Variants in CLVS1 observed in about 807,000 individuals in gnomAD.
The protein encoded by CLVS1 is clavesin 1.
Under a neutral mutation model 33.1 loss-of-function variants are expected in CLVS1, and 10 were observed. That is an observed-to-expected ratio of 0.30 (90% CI 0.19 to 0.51). The LOEUF is 0.51. Ranked by LOEUF, CLVS1 falls within the 20% of genes least tolerant of loss-of-function variation. The pLI is 0.97. For synonymous variants in CLVS1, 163 were observed against 166.1 expected (o/e 0.98, Z 0.14); for missense variants, 343 against 433.4 (o/e 0.79, Z 1.85).
intron 2 of CLVS1, among the ~76,000 whole-genome samples, chr8:61,266,194 A>G (rs1809299594): frequency 6.6e-6 from 1 of 152,196 alleles, no homozygotes; most frequent in African/African-American, 2.4e-5. Flanking sequence ...TTACTTTAAA[A>G]GAACCATCCT....
intron 2 of CLVS1, among the ~76,000 whole-genome samples, chr8:61,269,235 T>C (rs1176328160): frequency 3.3e-5 from 5 of 152,122 alleles, no homozygotes; most frequent in Non-Finnish European, 2.9e-5. Context: ...TTTCCACATA[T>C]GGCTAGCCAG....
intron 2 of CLVS1, among the ~76,000 whole-genome samples, chr8:61,182,177 A>G (rs1191326719): frequency 6.6e-6 from 1 of 152,234 alleles, no homozygotes; most frequent in East Asian, 1.9e-4. Context: ...TACAAAAATT[A>G]ACTCAAGATG....
At chr8:61,158,543 G>C (rs1309364991) in intron 2 of CLVS1, among the ~76,000 whole-genome samples, 1 of 152,140 alleles carries the variant, frequency 6.6e-6, no homozygotes, top group African/African-American at 2.4e-5. Context: ...TCTTGTAAGT[G>C]GTCCCAGCAG....
chr8:61,495,905 A>G (rs1177404084), intron 5 of CLVS1, among the ~76,000 whole-genome samples: 1 of 152,242 alleles, frequency 6.6e-6, no homozygotes, highest in East Asian at 1.9e-4. Context: ...AAACCTTGGC[A>G]CAAGAGGAAT....
chr8:61,364,192 G>A (rs1160469698), intron 2 of CLVS1, among the ~76,000 whole-genome samples: 2 of 152,174 alleles, frequency 1.3e-5, no homozygotes, highest in African/African-American at 2.4e-5. Flanking sequence ...GCCACCACTA[G>A]GCATTACAGG....
At chr8:61,029,788 T>C in the CLVS1 span, among the ~76,000 whole-genome samples, 1 of 151,996 alleles carries the variant, frequency 6.6e-6, no homozygotes, top group Non-Finnish European at 1.5e-5. Context: ...ACAGAAACAT[T>C]GGGGCGTATT....
the CLVS1 span, among the ~76,000 whole-genome samples, chr8:60,979,423 GAGAAATGACT>G: frequency 6.6e-6 from 1 of 152,246 alleles, no homozygotes; most frequent in Admixed American, 6.5e-5. Flanking sequence ...AGGGAACCTT[GAGAAATGACT>G]TAGTAGAAGA....
Position 61,062,126 on chromosome 8 carries a change from C to T in CLVS1, c.-243+4896C>T, listed in dbSNP as rs559440404. Among the ~76,000 whole-genome samples, 16 of 152,266 alleles carry T rather than the reference C, an allele frequency of 1.1e-4. 1 individual carries two copies. In the South Asian group the frequency reaches 3.3e-3, roughly 32 times the overall value. On this transcript the variant is annotated intron_variant, in intron 1 of 2. Transcript: ENST00000522621. Reference sequence around the variant, plus strand: ...ACAGGGAAATGAGACTTGCTGATGGCTTAGACCTGGGTCAAAACTCCACCC... The same window carrying T: ...ACAGGGAAATGAGACTTGCTGATGGTTTAGACCTGGGTCAAAACTCCACCC...
chr8:61,479,582 T>C (rs1818103669), intron 5 of CLVS1, among the ~76,000 whole-genome samples: 1 of 152,226 alleles, frequency 6.6e-6, no homozygotes, highest in African/African-American at 2.4e-5. Flanking sequence ...TTCTCTCAAC[T>C]CGTCAAAGTC....
chr8:61,272,428 T>A (rs1193396823), intron 2 of CLVS1, among the ~76,000 whole-genome samples: 1 of 151,600 alleles, frequency 6.6e-6, no homozygotes, highest in Non-Finnish European at 1.5e-5. Context: ...CCCTTAACAT[T>A]TTTTCCTTCA....
chr8:60,966,150 T>C, the CLVS1 span: 4 of 299,362 alleles, frequency 1.3e-5, no homozygotes, highest in African/African-American at 4.4e-5. Context: ...TCTCTTTCCC[T>C]CTTTCTTTCT....
intron 2 of CLVS1, among the ~76,000 whole-genome samples, chr8:61,346,243 G>A (rs547870661): frequency 2.0e-4 from 30 of 152,204 alleles, no homozygotes; most frequent in African/African-American, 7.2e-4. Context: ...AATTTCAGGG[G>A]GTAAAGCAAG....
intron 5 of CLVS1, among the ~76,000 whole-genome samples, chr8:61,474,938 C>A (rs187166552): frequency 5.7e-4 from 87 of 152,232 alleles, no homozygotes; most frequent in African/African-American, 1.7e-3. Flanking sequence ...TAATGCTATC[C>A]CTCCCCACTG....
chr8:61,121,724 A>C (rs1437180601), intron 1 of CLVS1, among the ~76,000 whole-genome samples: 1 of 152,218 alleles, frequency 6.6e-6, no homozygotes, highest in African/African-American at 2.4e-5. Context: ...CAAAGTATAC[A>C]CAAAAACAGC....
At chr8:61,029,528 G>A in the CLVS1 span, among the ~76,000 whole-genome samples, 106 of 152,138 alleles carry the variant, frequency 7.0e-4, no homozygotes, top group African/African-American at 2.4e-3. Flanking sequence ...ACCTCGAGAC[G>A]AATGGGACCT....
At chr8:60,977,770 C>T in the CLVS1 span, among the ~76,000 whole-genome samples, 1 of 152,106 alleles carries the variant, frequency 6.6e-6, no homozygotes, top group Admixed American at 6.5e-5. Context: ...TGAAAACTTT[C>T]CTAATCTGAG....
At chr8:61,242,229 A>G (rs927197502) in intron 2 of CLVS1, among the ~76,000 whole-genome samples, 5 of 151,946 alleles carry the variant, frequency 3.3e-5, no homozygotes, top group Admixed American at 6.6e-5. Flanking sequence ...TATTTCTTCA[A>G]ATTTCTTCTG....
At chr8:61,439,948 A>G (rs981892673) in intron 3 of CLVS1, among the ~76,000 whole-genome samples, 2 of 152,166 alleles carry the variant, frequency 1.3e-5, no homozygotes, top group Non-Finnish European at 2.9e-5. Context: ...TCTTTCACAT[A>G]AGGCTTTTTC....
At chr8:61,377,546 C>A (rs1443573482) in intron 3 of CLVS1, 1 of 152,222 alleles carries the variant, frequency 6.6e-6, no homozygotes, top group African/African-American at 2.4e-5. Context: ...GTGACCCTCT[C>A]CCCATAGACG....
Sources: gnomAD v4.1 joint callset for allele counts (sites outside exome capture counted in the v4.1 genomes callset) on GRCh38, gnomAD v4.1.1 for gene constraint, MANE v1.5 for transcripts, NCBI Gene and HGNC (gene_info 2026-07-23, HGNC 2026-07-21) for gene names.